CERT1: variants seen among roughly 807,000 people sequenced by gnomAD.
CERT1 encodes the protein ceramide transfer protein.
Under a neutral mutation model 87.9 loss-of-function variants are expected in CERT1, and 31 were observed. The ratio of observed to expected loss-of-function variants is 0.35; its 90% CI spans 0.27 to 0.48. CERT1 has a LOEUF of 0.48. CERT1 is among the 20% of genes least tolerant of loss of function. CERT1 has a pLI of 0.99. For missense variants in CERT1, 487 were observed against 758.0 expected (o/e 0.64, Z 4.20); for synonymous variants, 289 against 250.9 (o/e 1.15, Z -1.44).
intron 3 of CERT1, among the ~76,000 whole-genome samples, chr5:75,457,393 CAT>C (rs1395163667): frequency 1.3e-5 from 2 of 152,188 alleles, no homozygotes; most frequent in African/African-American, 4.8e-5. Context: ...GCCAAGCTCA[CAT>C]ATGTCATACA....
At chr5:75,408,215 A>C (rs1356720110) in intron 8 of CERT1, among the ~76,000 whole-genome samples, 1 of 152,180 alleles carries the variant, frequency 6.6e-6, no homozygotes, top group East Asian at 1.9e-4. Context: ...CGATAAGGGT[A>C]ATCACTCTAG....
chr5:75,379,333 GTACCTGTTAA>G lies in CERT1; in HGVS notation c.*3_*12del. ...AAAAAAAGATAAAACATATCTTCTA[GTACCTGTTAA>G]TACTAGAACAAAATAGGCTTTCCTG... On this transcript the variant is annotated 3_prime_UTR_variant, in exon 17 of 17. Transcript: ENST00000643780. The G allele has an allele frequency of 6.2e-7, 1 of 1,603,522 alleles. No homozygotes were observed. Among genetic ancestry groups the G allele is most frequent in the Non-Finnish European group, 8.5e-7 (1 of 1,173,198 alleles).
chr5:75,399,432 G>C lies in CERT1; in HGVS notation c.1111-45C>G, dbSNP rs747263119. 5.1e-6 allele frequency: 7 copies of C among 1,374,356 alleles called. No homozygotes were observed. The South Asian group carries it at 7.0e-5, about 14-fold the overall frequency. The allele number at this position is 1,374,356 out of a possible 1,614,324, so 85.1% of individuals were successfully genotyped here. A position where few individuals can be genotyped will look rare whatever the true frequency, so the allele number is the denominator to read the frequency against. ...AAAAAACCAAGTAATCAGAACAAAGGCACAACAGAGCATTCAGTACCAACT... is the reference window on the plus strand; with the variant it reads ...AAAAAACCAAGTAATCAGAACAAAGCCACAACAGAGCATTCAGTACCAACT... On this transcript the variant is annotated intron_variant, in intron 10 of 16. Transcript: ENST00000643780.
chr5:75,425,122 A>C (rs1321498704), intron 5 of CERT1: 4 of 393,100 alleles, frequency 1.0e-5, no homozygotes, highest in Admixed American at 8.6e-5. Flanking sequence ...TGTCTCAACA[A>C]AAAAGTAAAT....
intron 3 of CERT1, among the ~76,000 whole-genome samples, chr5:75,437,803 G>C (rs528838262): frequency 6.8e-6 from 1 of 147,988 alleles, no homozygotes; most frequent in Non-Finnish European, 1.5e-5. Context: ...AGAAAAGATA[G>C]TATACTCATG....
intron 3 of CERT1, among the ~76,000 whole-genome samples, chr5:75,443,467 T>A (rs1764404823): frequency 6.6e-6 from 1 of 152,206 alleles, no homozygotes; most frequent in African/African-American, 2.4e-5. Flanking sequence ...TTAACTTCCA[T>A]GATTCTGTAA....
At chr5:75,399,883 A>G (rs1362781183) in intron 10 of CERT1, among the ~76,000 whole-genome samples, 1 of 152,214 alleles carries the variant, frequency 6.6e-6, no homozygotes, top group Non-Finnish European at 1.5e-5. Context: ...TCACGCCTGT[A>G]ATCCCAGCAC....
intron 3 of CERT1, among the ~76,000 whole-genome samples, chr5:75,456,392 G>A (rs115804911): frequency 6.6e-6 from 1 of 152,020 alleles, no homozygotes; most frequent in Non-Finnish European, 1.5e-5. Flanking sequence ...AGGGTGGCTG[G>A]CTGCAGAGGC....
At chr5:75,499,771 T>C (rs1767257208) in intron 2 of CERT1, among the ~76,000 whole-genome samples, 1 of 152,182 alleles carries the variant, frequency 6.6e-6, no homozygotes, top group Non-Finnish European at 1.5e-5. Flanking sequence ...GCACCACATA[T>C]ACAATTTTCT....
Position 75,399,391 on chromosome 5 carries a change from C to G in CERT1, c.1111-4G>C. On this transcript the variant is annotated splice_polypyrimidine_tract_variant and splice_region_variant and intron_variant, in intron 10 of 16. Transcript: ENST00000643780. ...TGGAGGAAGAGCGACTATAGGGCTACCAGAGACAGACAAAGAAAAAACCAA... is the reference window on the plus strand; with the variant it reads ...TGGAGGAAGAGCGACTATAGGGCTAGCAGAGACAGACAAAGAAAAAACCAA... The G allele has an allele frequency of 6.2e-7, 1 of 1,610,400 alleles. No individual in the cohort carries two copies. Among genetic ancestry groups the G allele is most frequent in the Non-Finnish European group, 8.5e-7 (1 of 1,176,992 alleles).
At chr5:75,412,274 C>T (rs1053641103) in intron 7 of CERT1, among the ~76,000 whole-genome samples, 7 of 152,038 alleles carry the variant, frequency 4.6e-5, no homozygotes, top group Non-Finnish European at 5.9e-5. Flanking sequence ...CTTTTGAAAG[C>T]GAAAGGGAAT....
At chr5:75,398,160 C>T (rs763233028) in intron 11 of CERT1, among the ~76,000 whole-genome samples, 2 of 152,130 alleles carry the variant, frequency 1.3e-5, no homozygotes, top group Non-Finnish European at 2.9e-5. Flanking sequence ...GAGAAAAACG[C>T]TGTACAAGTC....
chr5:75,439,602 T>A (rs1353785041), intron 3 of CERT1, among the ~76,000 whole-genome samples: 2 of 152,140 alleles, frequency 1.3e-5, no homozygotes, highest in African/African-American at 4.8e-5. Flanking sequence ...AGATTAAATG[T>A]TAACATAAGC....
At position 75,379,403 on chromosome 5, in the gene CERT1, T is replaced by G; in HGVS notation, c.1818A>C (p.Leu606=). The G allele has an allele frequency of 6.2e-7, 1 of 1,613,972 alleles. No individual in the cohort carries two copies. Among genetic ancestry groups the G allele is most frequent in the Non-Finnish European group, 8.5e-7 (1 of 1,179,874 alleles). ...CTTGGACGTAAGAAGTAAAACGTTT[T>G]AGAAATTTAGGATACTCTCGCTTTG... ...AVAKREYPKF[L]KRFTSYVQEK... The change falls in exon 17 of 17, where the codon CTA becomes CTC. Residue 606 remains leucine, a synonymous_variant. Coordinates refer to ENST00000643780, the MANE Select transcript of CERT1 (RefSeq NM_001379029.1).
In CERT1 at chr5:75,386,046, A is replaced by G; in HGVS notation, c.1285-12T>C. On this transcript the variant is annotated splice_polypyrimidine_tract_variant and intron_variant, in intron 12 of 16. Coordinates refer to ENST00000643780, the MANE Select transcript of CERT1 (RefSeq NM_001379029.1). ...TCTCTTCTGTATACCTAAAGAGAAC[A>G]TAATTCCAAAACTGTTTGAAAATTA... 1 of 1,485,094 alleles carries G rather than the reference A, an allele frequency of 6.7e-7. No individual in the cohort carries two copies. The highest frequency in any genetic ancestry group is 2.5e-5 in the East Asian group (1 of 40,316). The allele number at this position is 1,485,094 out of a possible 1,614,324, so 92.0% of individuals were successfully genotyped here.
intron 7 of CERT1, among the ~76,000 whole-genome samples, chr5:75,416,655 A>G (rs899577710): frequency 2.0e-5 from 3 of 152,218 alleles, no homozygotes; most frequent in African/African-American, 7.2e-5. Flanking sequence ...TTTATATTAA[A>G]TCTTTCAAGA....
At chr5:75,446,925 G>T (rs1202188015) in intron 3 of CERT1, among the ~76,000 whole-genome samples, 1 of 152,194 alleles carries the variant, frequency 6.6e-6, no homozygotes, top group South Asian at 2.1e-4. Context: ...ACAGCCAGAG[G>T]GGGAGGGACC....
At position 75,379,021 on chromosome 5, in the gene CERT1, A is replaced by C. The variant is rs1761443456; in HGVS notation, c.*325T>G. The C allele has an allele frequency of 5.3e-6, 1 of 188,788 alleles. No homozygotes were observed. Among genetic ancestry groups the C allele is most frequent in the Non-Finnish European group, 1.1e-5 (1 of 91,116 alleles). 11.7% of individuals were successfully genotyped at this position (188,788 alleles called of 1,614,324 possible). On this transcript the variant is annotated 3_prime_UTR_variant, in exon 17 of 17. Transcript: ENST00000643780. ...TAGCAAGACCCCTATCTCTACAAAA[A>C]ATAAAAAATTAGCTGAGCATGGTGG...
intron 2 of CERT1, among the ~76,000 whole-genome samples, chr5:75,489,770 C>T (rs902871359): frequency 6.6e-6 from 1 of 152,178 alleles, no homozygotes; most frequent in South Asian, 2.1e-4. Context: ...AATAGGAACG[C>T]TTTTACTCTG....
Sources: gnomAD v4.1 joint callset for allele counts (sites outside exome capture counted in the v4.1 genomes callset) on GRCh38, gnomAD v4.1.1 for gene constraint, MANE v1.5 for transcripts, NCBI Gene and HGNC (gene_info 2026-07-23, HGNC 2026-07-21) for gene names.